PARD3B: variants seen among roughly 807,000 people sequenced by gnomAD.
PARD3B encodes the protein par-3 family cell polarity regulator beta.
PARD3B carries 103 observed loss-of-function variants against 130.2 expected under a neutral mutation model. The observed-to-expected ratio is 0.79, with a 90% confidence interval of 0.67 to 0.93. The LOEUF is 0.93. Among genes scored for constraint, PARD3B ranks in the 40% least tolerant of loss-of-function variants. The probability of loss-of-function intolerance (pLI) is 0.00; values close to 1 mark genes in which losing one functional copy is unlikely to be tolerated. For missense variants in PARD3B, 1,609 were observed against 1,499.2 expected, an observed-to-expected ratio of 1.07 and a Z score of -1.21; for synonymous variants, 583 against 553.2, an observed-to-expected ratio of 1.05 and a Z score of -0.76.
At chr2:205,235,089 A>C (rs967364184) in intron 15 of PARD3B, among the ~76,000 whole-genome samples, 5 of 152,176 alleles carry the variant, frequency 3.3e-5, no homozygotes, top group African/African-American at 1.2e-4. Context: ...AAAAGGAAGA[A>C]AGATTTCAAA....
chr2:205,135,157 A>G (rs777727064), intron 10 of PARD3B, among the ~76,000 whole-genome samples: 8 of 152,212 alleles, frequency 5.3e-5, no homozygotes, highest in Non-Finnish European at 1.0e-4. Flanking sequence ...ATTGTGACCA[A>G]CCACCTACTA....
intron 2 of PARD3B, among the ~76,000 whole-genome samples, chr2:204,924,911 A>T (rs1213321778): frequency 6.6e-6 from 1 of 152,130 alleles, no homozygotes. Context: ...AACAGTGTAA[A>T]TTGAAAGAGA....
At chr2:205,072,505 C>A (rs1700803797) in intron 4 of PARD3B, among the ~76,000 whole-genome samples, 1 of 152,038 alleles carries the variant, frequency 6.6e-6, no homozygotes. Flanking sequence ...CCCACCGTGG[C>A]CTCCCCAAAG....
chr2:205,040,799 C>T (rs539539429), intron 3 of PARD3B, among the ~76,000 whole-genome samples: 3 of 152,090 alleles, frequency 2.0e-5, no homozygotes, highest in African/African-American at 7.2e-5. Flanking sequence ...TGTCAACAGT[C>T]GTGGAAGGAG....
rs542816526 is a variant in PARD3B at position 204,606,483 on chromosome 2, T to C, written c.120+60364T>C. On this transcript the variant is annotated intron_variant, in intron 1 of 22. Transcript: ENST00000406610. The surrounding 1 kb of genome is among the most constrained non-coding windows in gnomAD (Gnocchi z 4.0). ...GATCCAGAAGCATAGAAAAGAGAAG[T>C]AGAAATAAATGCACTGACTTTTAAA... Among the ~76,000 whole-genome samples the C allele has an allele frequency of 6.6e-5, 10 of 152,230 alleles. No individual in the cohort carries two copies. The highest frequency in any genetic ancestry group is 1.9e-4 in the African/African-American group (8 of 41,550).
chr2:205,490,751 C>T (rs986936968), intron 20 of PARD3B, among the ~76,000 whole-genome samples: 6 of 152,196 alleles, frequency 3.9e-5, no homozygotes, highest in African/African-American at 1.4e-4. Context: ...GTTCCTATTT[C>T]TCCACATCCT....
chr2:204,688,401 A>G (rs2037189298), intron 2 of PARD3B, among the ~76,000 whole-genome samples: 1 of 151,910 alleles, frequency 6.6e-6, no homozygotes, highest in Admixed American at 6.6e-5. Flanking sequence ...AACACAGTGA[A>G]ACCCCATCTC....
intron 2 of PARD3B, among the ~76,000 whole-genome samples, chr2:204,959,500 G>C (rs1001426811): frequency 3.3e-5 from 5 of 152,120 alleles, no homozygotes; most frequent in Non-Finnish European, 7.3e-5. Flanking sequence ...ACCCAGTAAT[G>C]GCATTGCTGG....
At chr2:204,701,928 T>C (rs2037914585) in intron 2 of PARD3B, among the ~76,000 whole-genome samples, 1 of 152,070 alleles carries the variant, frequency 6.6e-6, no homozygotes. Context: ...CAATGTCTAT[T>C]GTTGCCATCT....
At position 205,405,581 on chromosome 2, in the gene PARD3B, C is replaced by T. The variant is rs190180110; in HGVS notation, c.2741+4458C>T. On this transcript the variant is annotated intron_variant, in intron 19 of 22. Coordinates refer to ENST00000406610, the MANE Select transcript of PARD3B (RefSeq NM_001302769.2). This position sits in a 1 kb window ranked among gnomAD's most constrained non-coding sequence, Gnocchi z 4.1. ...ACCCAAACATTACTGATGAATATCC[C>T]ATCAATCTAAGCTTGCAAGAATAAT... Among the ~76,000 whole-genome samples, 2 of 152,224 alleles carry T rather than the reference C, an allele frequency of 1.3e-5. No individual in the cohort carries two copies. The highest frequency in any genetic ancestry group is 6.5e-5 in the Admixed American group (1 of 15,282).
At chr2:204,927,511 A>G (rs1489095080) in intron 2 of PARD3B, among the ~76,000 whole-genome samples, 1 of 152,160 alleles carries the variant, frequency 6.6e-6, no homozygotes, top group Non-Finnish European at 1.5e-5. Context: ...TACCTGGTTT[A>G]TGGTACTTTG....
intron 2 of PARD3B, among the ~76,000 whole-genome samples, chr2:204,939,758 C>T (rs527337704): frequency 6.6e-6 from 1 of 152,136 alleles, no homozygotes; most frequent in Non-Finnish European, 1.5e-5. Context: ...GGCCTTGTAG[C>T]TTTTTGCAAA....
intron 15 of PARD3B, among the ~76,000 whole-genome samples, chr2:205,221,047 AT>A (rs1377522768): frequency 1.3e-5 from 2 of 152,212 alleles, no homozygotes; most frequent in Admixed American, 1.3e-4. Context: ...AGGGGCTATT[AT>A]AATAAGATTT....
At chr2:205,066,133 C>A (rs1423219339) in intron 4 of PARD3B, among the ~76,000 whole-genome samples, 4 of 152,084 alleles carry the variant, frequency 2.6e-5, no homozygotes, top group Non-Finnish European at 5.9e-5. Context: ...ATTCACCAAA[C>A]GTAAGAACAG....
Position 205,116,031 on chromosome 2 carries a change from T to A in PARD3B, c.680+2454T>A, listed in dbSNP as rs915188523. The stretch of plus-strand genomic sequence containing the variant: ...ATCCTAATAAGTAAATTATAGTGGC[T>A]GCTCTGCTAGATAAAGCCTCAATGA... On this transcript the variant is annotated intron_variant, in intron 6 of 22. Coordinates refer to ENST00000406610, the MANE Select transcript of PARD3B (RefSeq NM_001302769.2). The surrounding 1 kb of genome is among the most constrained non-coding windows in gnomAD (Gnocchi z 4.5). Among the ~76,000 whole-genome samples the A allele has an allele frequency of 1.3e-5, 2 of 152,154 alleles. No individual in the cohort carries two copies. The highest frequency in any genetic ancestry group is 2.9e-5 in the Non-Finnish European group (2 of 68,038).
chr2:205,401,236 C>T (rs917733841), intron 19 of PARD3B, 113 bp downstream of exon 19: 10 of 785,888 alleles, frequency 1.3e-5, no homozygotes, highest in Admixed American at 2.7e-5. Context: ...AGGGGTTGAC[C>T]GATCTGAAAG....
At chr2:205,203,269 T>C (rs1276358661) in intron 15 of PARD3B, among the ~76,000 whole-genome samples, 1 of 152,184 alleles carries the variant, frequency 6.6e-6, no homozygotes, top group African/African-American at 2.4e-5. Context: ...AAAACTGCCC[T>C]ATTCTTTAAA....
chr2:204,870,604 A>C (rs2045595160), intron 2 of PARD3B, among the ~76,000 whole-genome samples: 2 of 152,196 alleles, frequency 1.3e-5, no homozygotes, highest in South Asian at 4.1e-4. Context: ...TTTGCTAAGT[A>C]AAATAGGAAG....
At position 205,113,585 on chromosome 2, in the gene PARD3B, G is replaced by A. The variant is rs754294615; in HGVS notation, c.680+8G>A. On this transcript the variant is annotated splice_region_variant and intron_variant, in intron 6 of 22. Coordinates refer to ENST00000406610, the MANE Select transcript of PARD3B (RefSeq NM_001302769.2). ...TTCATCTCTGAGTGGAAGGTAAGATGTTTTTCTCATTCCAGAAGCTCATGC... is the reference window on the plus strand; with the variant it reads ...TTCATCTCTGAGTGGAAGGTAAGATATTTTTCTCATTCCAGAAGCTCATGC... 1.9e-6 allele frequency: 3 copies of A among 1,603,408 alleles called. No individual in the cohort carries two copies. The highest frequency in any genetic ancestry group is 2.2e-5 in the East Asian group (1 of 44,634).
Sources: allele counts gnomAD v4.1 joint callset (sites outside exome capture counted in the v4.1 genomes callset), GRCh38; gene constraint gnomAD v4.1.1; non-coding constraint Gnocchi (gnomAD v3.1); transcripts MANE v1.5; gene names NCBI Gene and HGNC (gene_info 2026-07-23, HGNC 2026-07-21).